CCDC106: variants seen among roughly 807,000 people sequenced by gnomAD.
CCDC106 encodes the protein coiled-coil domain containing 106.
Under a neutral mutation model 24.7 loss-of-function variants are expected in CCDC106, and 17 were observed. The observed-to-expected ratio is 0.69, with a 90% CI of 0.47 to 1.03. The LOEUF (loss-of-function observed/expected upper bound fraction) is 1.03, where lower values mean the gene tolerates loss of function less well. Ranked by LOEUF, CCDC106 falls within the 50% of genes least tolerant of loss-of-function variation. The pLI, the probability that CCDC106 is intolerant of heterozygous loss-of-function variation, is 0.00. For missense variants in CCDC106, 337 were observed against 388.9 expected, an observed-to-expected ratio of 0.87 and a Z score of 1.12; for synonymous variants, 211 against 161.3, an observed-to-expected ratio of 1.31 and a Z score of -2.34.
rs1197878542 is a variant in CCDC106 at position 55,648,250 on chromosome 19, C to T, written c.-797C>T. The T allele has an allele frequency of 6.6e-6, 1 of 152,132 alleles. No homozygotes were observed. The highest frequency in any genetic ancestry group is 1.5e-5 in the Non-Finnish European group (1 of 68,000). The allele number at this position is 152,132 out of a possible 1,614,324, so 9.4% of individuals were successfully genotyped here. On this transcript the variant is annotated 5_prime_UTR_variant, in exon 1 of 5. Transcript: ENST00000586790. ...CGCCGGGCATGGGCGCCGCCGCCGT[C>T]GGTCCCCGAGCCGGATTCCGCGAGC...
chr19:55,652,716 G>A lies in CCDC106; in HGVS notation c.813G>A (p.Leu271=), dbSNP rs758551413. The part of the protein sequence containing the change: ...KVQALKKSKL[L]LPITYRFKR Reference sequence around the variant, plus strand: ...AGGCGCTCAAGAAGAGCAAGCTGCTGCTGCCCATCACCTACCGCTTCAAGC... The same window carrying A: ...AGGCGCTCAAGAAGAGCAAGCTGCTACTGCCCATCACCTACCGCTTCAAGC... The change falls in exon 5 of 5, where the codon CTG becomes CTA. Residue 271 remains leucine (L), a synonymous_variant. Transcript: ENST00000586790. The surrounding 1 kb of genome is among the most constrained non-coding windows in gnomAD (Gnocchi z 5.9). 1 of 1,612,600 alleles carries A rather than the reference G, an allele frequency of 6.2e-7. No individual in the cohort carries two copies. The highest frequency in any genetic ancestry group is 8.5e-7 in the Non-Finnish European group (1 of 1,179,824).
In CCDC106 at chr19:55,653,031, A is replaced by C; in HGVS notation, c.*285A>C. ...CCCCCTCGAGTGGGGGACTGTACAGACCCCGTCTCCGCCCTGGCCCCGCGG... is the reference window on the plus strand; with the variant it reads ...CCCCCTCGAGTGGGGGACTGTACAGCCCCCGTCTCCGCCCTGGCCCCGCGG... On this transcript the variant is annotated 3_prime_UTR_variant, in exon 5 of 5. Transcript: ENST00000586790. 2 of 380,544 alleles carry C rather than the reference A, an allele frequency of 5.3e-6. 1 individual carries two copies. The highest frequency in any genetic ancestry group is 7.8e-5 in the South Asian group (2 of 25,686). 23.6% of individuals were successfully genotyped at this position (380,544 alleles called of 1,614,324 possible). A position where few individuals can be genotyped will look rare whatever the true frequency, so the allele number is the denominator to read the frequency against.
rs530964135 is a variant in CCDC106, at chr19:55,649,166, G to T, written c.32-39G>T. 4.3e-6 allele frequency: 7 copies of T among 1,610,350 alleles called. No individual in the cohort carries two copies. The East Asian group carries it at 1.6e-4, about 36-fold the overall frequency. ...GTTGGGGGGTGGCCTGAGAGGCCCG[G>T]GGAATTCTCTGGGGTAACCCGGGGC... On this transcript the variant is annotated intron_variant, in intron 1 of 4. Coordinates refer to ENST00000586790, the MANE Select transcript of CCDC106 (RefSeq NM_001370470.1).
intron 4 of CCDC106, 95 bp downstream of exon 4, chr19:55,651,590 C>A: frequency 2.3e-6 from 2 of 874,944 alleles, no homozygotes; most frequent in Non-Finnish European, 3.5e-6. Context: ...CAAGCCCCTC[C>A]AGCCTTGCTG....
Position 55,652,978 on chromosome 19 carries a change from T to G in CCDC106, c.*232T>G. On this transcript the variant is annotated 3_prime_UTR_variant, in exon 5 of 5. Coordinates refer to ENST00000586790, the MANE Select transcript of CCDC106 (RefSeq NM_001370470.1). The surrounding 1 kb of genome is among the most constrained non-coding windows in gnomAD (Gnocchi z 5.9). The stretch of plus-strand genomic sequence containing the variant: ...GCCCTGTCCTCGCCGGGCCCCTTCC[T>G]CCTGGAAAACCAGGCAGGCGGGTGC... 2.0e-6 allele frequency: 1 copy of G among 498,038 alleles called. No homozygotes were observed. The highest frequency in any genetic ancestry group is 3.5e-6 in the Non-Finnish European group (1 of 282,208). The allele number at this position is 498,038 out of a possible 1,614,324, so 30.9% of individuals were successfully genotyped here.
chr19:55,650,679 T>C (rs899610202), intron 3 of CCDC106, among the ~76,000 whole-genome samples: 1 of 152,186 alleles, frequency 6.6e-6, no homozygotes, highest in Admixed American at 6.5e-5. Flanking sequence ...CTCCTCTCAC[T>C]GATGGTTCCA....
chr19:55,652,352 G>A lies in CCDC106; in HGVS notation c.527-78G>A. On this transcript the variant is annotated intron_variant, in intron 4 of 4. Coordinates refer to ENST00000586790, the MANE Select transcript of CCDC106 (RefSeq NM_001370470.1). The surrounding 1 kb of genome is among the most constrained non-coding windows in gnomAD (Gnocchi z 5.9). Reference sequence around the variant, plus strand: ...CTCGCCGAGATCCTTTCTTCCCATGGCCGTTTCCCTTCCCGTGTCCGCCCC... The same window carrying A: ...CTCGCCGAGATCCTTTCTTCCCATGACCGTTTCCCTTCCCGTGTCCGCCCC... 3 of 1,285,740 alleles carry A rather than the reference G, an allele frequency of 2.3e-6. No individual in the cohort carries two copies. Among genetic ancestry groups the A allele is most frequent in the African/African-American group, 1.5e-5 (1 of 67,200 alleles). 79.6% of individuals were successfully genotyped at this position (1,285,740 alleles called of 1,614,324 possible).
intron 4 of CCDC106, among the ~76,000 whole-genome samples, chr19:55,651,985 T>G (rs918641726): frequency 6.6e-6 from 1 of 152,050 alleles, no homozygotes; most frequent in South Asian, 2.1e-4. Context: ...CTTTTAAGTT[T>G]TGGTCCACCG....
chr19:55,650,894 C>A (rs1013139257), intron 3 of CCDC106, among the ~76,000 whole-genome samples: 1 of 152,140 alleles, frequency 6.6e-6, no homozygotes, highest in East Asian at 1.9e-4. Flanking sequence ...CTCGGTCTGA[C>A]CCCCCGACTC....
upstream of CCDC106, among the ~76,000 whole-genome samples, chr19:55,647,767 T>A (rs1229961151): frequency 6.6e-6 from 1 of 151,754 alleles, no homozygotes; most frequent in Non-Finnish European, 1.5e-5. Flanking sequence ...CTGTAGGAGG[T>A]AGGGGAGCTC....
At chr19:55,649,334 C>G in intron 2 of CCDC106, 25 bp downstream of exon 2, 2 of 1,612,102 alleles carry the variant, frequency 1.2e-6, no homozygotes, top group Non-Finnish European at 1.7e-6. Flanking sequence ...TGTGGAGGGA[C>G]TGGAGTCAGC....
chr19:55,652,450 C>T lies in CCDC106; in HGVS notation c.547C>T (p.Leu183Phe), dbSNP rs1329455659. The change falls in exon 5 of 5, where the codon CTC becomes TTC. Residue 183 changes from leucine (L) to phenylalanine (F), a missense_variant. Leu to Phe is a conservative substitution (Grantham distance 22, BLOSUM62 0). Transcript: ENST00000586790. The surrounding 1 kb of genome is among the most constrained non-coding windows in gnomAD (Gnocchi z 5.9). ...RQRVKDADGVLCRYKKILGTF... is the reference protein window; with the variant it reads ...RQRVKDADGVFCRYKKILGTF... Reference sequence around the variant, plus strand: ...CTCAGTGAAGGACGCCGACGGGGTCCTCTGCCGGTACAAGAAGATCCTGGG... The same window carrying T: ...CTCAGTGAAGGACGCCGACGGGGTCTTCTGCCGGTACAAGAAGATCCTGGG... 2.5e-6 allele frequency: 4 copies of T among 1,604,898 alleles called. No individual in the cohort carries two copies. Among genetic ancestry groups the T allele is most frequent in the South Asian group, 1.1e-5 (1 of 90,716 alleles).
Position 55,652,606 on chromosome 19 carries a change from G to T in CCDC106, c.703G>T (p.Glu235Ter). The change falls in exon 5 of 5, where the codon GAG becomes TAG. Residue 235 changes from glutamate (E) to a stop codon, truncating the protein, a stop_gained. Coordinates refer to ENST00000586790, the MANE Select transcript of CCDC106 (RefSeq NM_001370470.1). LOFTEE classifies it high-confidence loss of function. This position sits in a 1 kb window ranked among gnomAD's most constrained non-coding sequence, Gnocchi z 5.9. ...VAPEKLAEVG[E>*]FDPSKERLLE... ...CCCCGAGAAGCTGGCCGAGGTGGGC[G>T]AGTTCGACCCCTCCAAGGAGCGCCT... is the stretch of plus-strand genomic sequence containing the variant. 6.2e-7 allele frequency: 1 copy of T among 1,613,160 alleles called. No homozygotes were observed. The highest frequency in any genetic ancestry group is 8.5e-7 in the Non-Finnish European group (1 of 1,179,898).
chr19:55,651,132 G>A, intron 3 of CCDC106, 151 bp from the exon 4 acceptor site: 1 of 655,326 alleles, frequency 1.5e-6, no homozygotes, highest in Non-Finnish European at 2.7e-6. Flanking sequence ...TCAGCCACCA[G>A]CGTCTCTACC....
intron 3 of CCDC106, among the ~76,000 whole-genome samples, 175 bp from the exon 4 acceptor site, chr19:55,651,108 C>A (rs1983228284): frequency 6.6e-6 from 1 of 152,266 alleles, no homozygotes; most frequent in African/African-American, 2.4e-5. Context: ...CCCACAGACC[C>A]CAACTGGCTC....
chr19:55,648,756 A>T lies in CCDC106; in HGVS notation c.-291A>T. The T allele has an allele frequency of 1.9e-6, 1 of 523,396 alleles. No individual in the cohort carries two copies. Among genetic ancestry groups the T allele is most frequent in the South Asian group, 2.7e-5 (1 of 37,430 alleles). 32.4% of individuals were successfully genotyped at this position (523,396 alleles called of 1,614,324 possible). ...TCAGCTTCCTTTTCCTTCGATACCC[A>T]GGAGCCCACGTCCCCAGCTCACTTC... On this transcript the variant is annotated 5_prime_UTR_variant, in exon 1 of 5. Transcript: ENST00000586790.
chr19:55,650,183 C>G (rs1159226895), intron 3 of CCDC106, among the ~76,000 whole-genome samples: 1 of 152,132 alleles, frequency 6.6e-6, no homozygotes, highest in Non-Finnish European at 1.5e-5. Flanking sequence ...GGTGGTGACC[C>G]CAGCAGGTGC....
At position 55,649,578 on chromosome 19, in the gene CCDC106, G is replaced by A; in HGVS notation, c.307G>A (p.Glu103Lys). 1.2e-6 allele frequency: 2 copies of A among 1,613,692 alleles called. No homozygotes were observed. The highest frequency in any genetic ancestry group is 1.7e-6 in the Non-Finnish European group (2 of 1,179,728). The change falls in exon 3 of 5, where the codon GAG becomes AAG. Residue 103 changes from glutamate (E) to lysine (K), a missense_variant. Transcript: ENST00000586790. Reference protein sequence around the residue: ...LDKFISSARMEAEDHCRMKPG... With the variant: ...LDKFISSARMKAEDHCRMKPG... ...CAAATTCATCTCTTCTGCTCGGATG[G>A]AGGCAGGTGTGTGTGGGGTGCTCTG...
Position 55,652,751 on chromosome 19 carries a change from ACCACGCCT to A in CCDC106, c.*8_*15del, listed in dbSNP as rs750684829. ...ACCTACCGCTTCAAGCGGTGATCGC[ACCACGCCT>A]CCGCGCCTCCACCCGGGCCTTCCTC... On this transcript the variant is annotated 3_prime_UTR_variant, in exon 5 of 5. Coordinates refer to ENST00000586790, the MANE Select transcript of CCDC106 (RefSeq NM_001370470.1). The surrounding 1 kb of genome is among the most constrained non-coding windows in gnomAD (Gnocchi z 5.9). 12 of 1,602,488 alleles carry A rather than the reference ACCACGCCT, an allele frequency of 7.5e-6. No homozygotes were observed. The highest frequency in any genetic ancestry group is 4.4e-5 in the South Asian group (4 of 90,790).
Sources: allele counts gnomAD v4.1 joint callset (sites outside exome capture counted in the v4.1 genomes callset), GRCh38; gene constraint gnomAD v4.1.1; non-coding constraint Gnocchi (gnomAD v3.1); transcripts MANE v1.5; gene names NCBI Gene and HGNC (gene_info 2026-07-23, HGNC 2026-07-21).